The following CFAP58 variants were observed in gnomAD, a reference collection of about 807,000 sequenced individuals.
CFAP58 encodes cilia- and flagella-associated protein 58.
Under a neutral mutation model 119.5 loss-of-function variants are expected in CFAP58, and 88 were observed. The observed-to-expected ratio is 0.74, with a 90% CI of 0.62 to 0.88. The LOEUF (loss-of-function observed/expected upper bound fraction) is 0.88, where lower values mean the gene tolerates loss of function less well. CFAP58 is among the 40% of genes least tolerant of loss of function. The probability of loss-of-function intolerance (pLI) is 0.00; values close to 1 mark genes in which losing one functional copy is unlikely to be tolerated. For missense variants in CFAP58, 990 were observed against 1,021.2 expected, an observed-to-expected ratio of 0.97 and a Z score of 0.42; for synonymous variants, 365 against 366.3, an observed-to-expected ratio of 1.00 and a Z score of 0.04.
At chr10:104,391,566 A>G (rs958357553) in intron 9 of CFAP58, among the ~76,000 whole-genome samples, 1 of 152,198 alleles carries the variant, frequency 6.6e-6, no homozygotes, top group Non-Finnish European at 1.5e-5. Context: ...TGATGACGTC[A>G]TTGCTACTGT....
chr10:104,365,689 G>T (rs2014733376), intron 4 of CFAP58, 125 bp from the exon 5 acceptor site: 1 of 736,704 alleles, frequency 1.4e-6, no homozygotes, highest in East Asian at 2.7e-5. Flanking sequence ...GCCCTATAGG[G>T]GAAATGCTAC....
the CFAP58 span, among the ~76,000 whole-genome samples, chr10:104,341,951 C>A: frequency 6.6e-6 from 1 of 152,192 alleles, no homozygotes; most frequent in African/African-American, 2.4e-5. Context: ...TCCTTCACCC[C>A]TATTCTTTTT....
At chr10:104,402,933 T>A (rs984599128) in intron 13 of CFAP58, among the ~76,000 whole-genome samples, 1 of 152,216 alleles carries the variant, frequency 6.6e-6, no homozygotes, top group African/African-American at 2.4e-5. Flanking sequence ...AGTGTTAGGT[T>A]ATCACCTGAG....
intron 7 of CFAP58, among the ~76,000 whole-genome samples, chr10:104,375,371 T>A (rs2011637873): frequency 6.6e-6 from 1 of 152,108 alleles, no homozygotes; most frequent in Non-Finnish European, 1.5e-5. Context: ...TTATCTGAAT[T>A]TCTAATTTCA....
intron 7 of CFAP58, among the ~76,000 whole-genome samples, chr10:104,372,453 T>C (rs941674438): frequency 9.2e-5 from 14 of 152,254 alleles, no homozygotes; most frequent in African/African-American, 3.4e-4. Context: ...TAATGTTTTA[T>C]TGAGATGCAG....
rs1285847033 is a variant in CFAP58, at chr10:104,393,379, A to G, written c.1578A>G (p.Val526=). 6.2e-7 allele frequency: 1 copy of G among 1,613,876 alleles called. No individual in the cohort carries two copies. The highest frequency in any genetic ancestry group is 8.5e-7 in the Non-Finnish European group (1 of 1,179,714). ...KRKLKIMIHQ[V]DELKEDISAK... ...AGTTAAAGATTATGATCCATCAGGT[A>G]GATGAGCTGAAAGAAGACATCTCTG... is the stretch of plus-strand genomic sequence containing the variant. Residue 526 remains valine, a synonymous_variant, in exon 11 of 18, where the codon GTA becomes GTG. Coordinates refer to ENST00000369704, the MANE Select transcript of CFAP58 (RefSeq NM_001008723.2).
intron 15 of CFAP58, among the ~76,000 whole-genome samples, chr10:104,422,904 C>T (rs949281767): frequency 6.6e-6 from 1 of 152,170 alleles, no homozygotes; most frequent in Non-Finnish European, 1.5e-5. Flanking sequence ...ACCACAGTCT[C>T]CTTTCTTTGG....
chr10:104,368,376 T>A (rs1050386216), intron 5 of CFAP58, 47 bp from the exon 6 acceptor site: 67 of 1,602,778 alleles, frequency 4.2e-5, no homozygotes, highest in Non-Finnish European at 5.3e-5. Context: ...ATCCAACTAT[T>A]GTAATCAGAT....
At chr10:104,351,619 T>C (rs2014460440), upstream of CFAP58, 1 of 152,068 alleles carries the variant, frequency 6.6e-6, no homozygotes, top group Non-Finnish European at 1.5e-5. Context: ...GCTCACCCCA[T>C]GGAGAAAAAT....
rs769752933 is a variant in CFAP58 at position 104,400,732 on chromosome 10, A to G, written c.1868A>G (p.Glu623Gly). The G allele has an allele frequency of 3.1e-6, 5 of 1,614,146 alleles. No homozygotes were observed. The highest frequency in any genetic ancestry group is 4.2e-6 in the Non-Finnish European group (5 of 1,180,026). The change falls in exon 13 of 18, where the codon GAG becomes GGG. Residue 623 changes from glutamate to glycine, a missense_variant. Physicochemically the swap from Glu to Gly is moderately conservative, Grantham distance 98 (BLOSUM62 -2). Transcript: ENST00000369704. ...LGSQLVRRND[E>G]LALLYEKIKI... ...TCTCAGCTTGTTCGGCGCAATGATGAGTTAGCTTTGCTCTATGAGAAGATC... is the reference window on the plus strand; with the variant it reads ...TCTCAGCTTGTTCGGCGCAATGATGGGTTAGCTTTGCTCTATGAGAAGATC...
intron 7 of CFAP58, among the ~76,000 whole-genome samples, chr10:104,373,736 AAATAG>A (rs925981995): frequency 7.5e-4 from 114 of 152,292 alleles, no homozygotes; most frequent in African/African-American, 2.5e-3. Context: ...AATAGAAATG[AAATAG>A]AATAGAAATG....
At chr10:104,413,982 G>A (rs1363771799) in intron 15 of CFAP58, among the ~76,000 whole-genome samples, 1 of 152,140 alleles carries the variant, frequency 6.6e-6, no homozygotes, top group East Asian at 1.9e-4. Flanking sequence ...TCATGGCCAG[G>A]CATGTAACAA....
chr10:104,370,152 C>T (rs2014803312), intron 6 of CFAP58, among the ~76,000 whole-genome samples: 1 of 152,126 alleles, frequency 6.6e-6, no homozygotes, highest in Non-Finnish European at 1.5e-5. Context: ...ATGTTAATAA[C>T]CATCTGAGAG....
chr10:104,357,906 TATACACAC>T (rs2014587403), intron 1 of CFAP58, among the ~76,000 whole-genome samples: 1 of 122,040 alleles, frequency 8.2e-6, no homozygotes, highest in African/African-American at 4.0e-5. Context: ...TATGTACACA[TATACACAC>T]ATATATGTAC....
rs762761905 is a variant in CFAP58 at position 104,430,750 on chromosome 10, CAT to C, written c.2257-16947_2257-16946del. 6.6e-5 allele frequency among the ~76,000 whole-genome samples: 10 copies of C among 151,970 alleles called. 1 individual carries two copies. The highest frequency in any genetic ancestry group is 1.2e-4 in the African/African-American group (5 of 41,412). ...CTGTCCACTAAAAAATAATGTGAGC[CAT>C]GTGTGTGATTTTAAATTTTCTAGTA... On this transcript the variant is annotated intron_variant, in intron 15 of 17. Coordinates refer to ENST00000369704, the MANE Select transcript of CFAP58 (RefSeq NM_001008723.2).
intron 4 of CFAP58, among the ~76,000 whole-genome samples, 168 bp from the exon 5 acceptor site, chr10:104,365,646 G>T (rs549488467): frequency 6.6e-6 from 1 of 152,180 alleles, no homozygotes; most frequent in African/African-American, 2.4e-5. Context: ...GAATATTCCT[G>T]AAAAGTTTGA....
chr10:104,348,142 G>A, the CFAP58 span, among the ~76,000 whole-genome samples: 1 of 152,214 alleles, frequency 6.6e-6, no homozygotes, highest in Admixed American at 6.5e-5. Context: ...GCTTCAGAGA[G>A]GGACGTAATT....
chr10:104,423,922 G>A (rs1306535113), intron 15 of CFAP58, among the ~76,000 whole-genome samples: 4 of 152,096 alleles, frequency 2.6e-5, no homozygotes, highest in African/African-American at 9.7e-5. Context: ...AATTGCAGGT[G>A]GAGCAGAAAT....
intron 15 of CFAP58, among the ~76,000 whole-genome samples, chr10:104,416,450 C>T (rs1017736881): frequency 3.3e-5 from 5 of 152,238 alleles, no homozygotes; most frequent in African/African-American, 1.2e-4. Context: ...GGTGAACTTT[C>T]TCTATAATTT....
Sources: allele counts gnomAD v4.1 joint callset (sites outside exome capture counted in the v4.1 genomes callset), GRCh38; gene constraint gnomAD v4.1.1; transcripts MANE v1.5; gene names NCBI Gene and HGNC (gene_info 2026-07-23, HGNC 2026-07-21).